The following EPHA3 variants were observed in gnomAD, a reference collection of about 807,000 sequenced individuals.
EPHA3 encodes ephrin type-A receptor 3.
EPHA3 carries 42 observed loss-of-function variants against 107.1 expected under a neutral mutation model. The observed-to-expected ratio is 0.39, with a 90% CI of 0.31 to 0.51. The LOEUF (loss-of-function observed/expected upper bound fraction) is 0.51, where lower values mean the gene tolerates loss of function less well. Among genes scored for constraint, EPHA3 ranks in the 20% least tolerant of loss-of-function variants. EPHA3 has a pLI of 0.78. For synonymous variants in EPHA3, 461 were observed against 424.8 expected (o/e 1.09, Z -1.05); for missense variants, 1,183 against 1,211.2 (o/e 0.98, Z 0.35).
At chr3:89,130,969 T>C (rs1576170726) in intron 2 of EPHA3, among the ~76,000 whole-genome samples, 1 of 152,146 alleles carries the variant, frequency 6.6e-6, no homozygotes, top group African/African-American at 2.4e-5. Flanking sequence ...CTTCATATCT[T>C]AGAGAAAACC....
chr3:89,224,989 T>G (rs1704469559), intron 3 of EPHA3, among the ~76,000 whole-genome samples: 1 of 152,164 alleles, frequency 6.6e-6, no homozygotes, highest in Non-Finnish European at 1.5e-5. Context: ...CTTTCCAGTT[T>G]AAATAAAAAT....
intron 3 of EPHA3, among the ~76,000 whole-genome samples, chr3:89,335,877 T>A (rs1286020147): frequency 6.6e-6 from 1 of 152,224 alleles, no homozygotes; most frequent in Admixed American, 6.5e-5. Flanking sequence ...CATTTACTAC[T>A]GGATTACCTG....
Position 89,453,782 on chromosome 3 carries a change from C to T in EPHA3, c.2690+3412C>T, listed in dbSNP as rs141386739. Among the ~76,000 whole-genome samples, 155 of 152,198 alleles carry T rather than the reference C, an allele frequency of 1.0e-3. 1 individual carries two copies. The highest frequency in any genetic ancestry group is 6.8e-3 in the Middle Eastern group (2 of 294). ...TCTTTAATTTTTAGTGATGTCCTTG[C>T]CAAATGCTTTATTGAGAAAATAAGC... On this transcript the variant is annotated intron_variant, in intron 15 of 16. Coordinates refer to ENST00000336596, the MANE Select transcript of EPHA3 (RefSeq NM_005233.6).
At chr3:89,356,295 G>C (rs1328954646) in intron 5 of EPHA3, among the ~76,000 whole-genome samples, 2 of 150,780 alleles carry the variant, frequency 1.3e-5, no homozygotes, top group African/African-American at 4.8e-5. Context: ...AATAAACATA[G>C]GTGTGCATGT....
intron 2 of EPHA3, among the ~76,000 whole-genome samples, chr3:89,191,966 G>T (rs1291969908): frequency 6.6e-6 from 1 of 152,168 alleles, no homozygotes. Flanking sequence ...TCATAAAATG[G>T]TTAAATAGTA....
chr3:89,111,058 A>G, intron 1 of EPHA3, among the ~76,000 whole-genome samples: 1 of 152,142 alleles, frequency 6.6e-6, no homozygotes, highest in Admixed American at 6.5e-5. Context: ...TTAAATATTC[A>G]TATTTATATA....
intron 2 of EPHA3, among the ~76,000 whole-genome samples, chr3:89,149,269 G>A (rs987957010): frequency 3.3e-5 from 5 of 151,914 alleles, no homozygotes; most frequent in Admixed American, 1.3e-4. Context: ...ATTTACTGAA[G>A]CGGTACCAGA....
In EPHA3 at chr3:89,342,051, A is replaced by G. The variant is rs1195505981; in HGVS notation, c.1267A>G (p.Arg423Gly). 1.9e-6 allele frequency: 3 copies of G among 1,612,006 alleles called. No homozygotes were observed. Among genetic ancestry groups the G allele is most frequent in the South Asian group, 1.1e-5 (1 of 90,804 alleles). The change falls in exon 5 of 17, where the codon AGA (arginine) becomes GGA (glycine). Residue 423 changes from arginine to glycine, a missense_variant. Physicochemically the swap from Arg to Gly is moderately radical, Grantham distance 125. Transcript: ENST00000336596. ...NGVSELSSPP[R>G]QFAAVSITTN... ...GGTGTCAGAGCTGAGCTCCCCACCA[A>G]GACAGTTTGCTGCGGTCAGCATCAC...
chr3:89,234,862 T>TTTCCTTCTC (rs1559612706), intron 3 of EPHA3, among the ~76,000 whole-genome samples: 3 of 136,564 alleles, frequency 2.2e-5, no homozygotes, highest in Non-Finnish European at 3.1e-5. Context: ...TCCTCCCTTC[T>TTTCCTTCTC]TTCCTTCTCT....
At chr3:89,340,576 AG>A (rs1023792325) in intron 3 of EPHA3, among the ~76,000 whole-genome samples, 1 of 152,224 alleles carries the variant, frequency 6.6e-6, no homozygotes, top group Non-Finnish European at 1.5e-5. Context: ...TGTTTTAAAA[AG>A]GGAATTACTA....
intron 3 of EPHA3, among the ~76,000 whole-genome samples, chr3:89,316,505 AATATATATATATATATAT>A (rs58576798): frequency 3.8e-5 from 4 of 104,134 alleles, no homozygotes; most frequent in East Asian, 6.6e-4. Flanking sequence ...GTGTGTGTGT[AATATATATATATATATAT>A]ATATATATAT....
chr3:89,283,771 T>TTGC (rs1306788298), intron 3 of EPHA3, among the ~76,000 whole-genome samples: 1 of 152,148 alleles, frequency 6.6e-6, no homozygotes, highest in Non-Finnish European at 1.5e-5. Context: ...GGTGCTCACT[T>TTGC]TGCTGTTTGT....
intron 7 of EPHA3, among the ~76,000 whole-genome samples, chr3:89,404,126 G>T (rs1709011390): frequency 6.6e-6 from 1 of 152,058 alleles, no homozygotes; most frequent in South Asian, 2.1e-4. Context: ...AGTAAAAATG[G>T]TACAACTTTA....
intron 5 of EPHA3, among the ~76,000 whole-genome samples, chr3:89,389,980 T>G (rs1368364921): frequency 6.6e-5 from 10 of 152,030 alleles, no homozygotes; most frequent in Admixed American, 6.6e-4. Context: ...TCGGCTGAGG[T>G]TCAATTATTA....
chr3:89,449,392 A>C lies in EPHA3; in HGVS notation c.2496+18A>C. The C allele has an allele frequency of 6.4e-7, 1 of 1,553,316 alleles. No individual in the cohort carries two copies. Among genetic ancestry groups the C allele is most frequent in the Non-Finnish European group, 8.8e-7 (1 of 1,138,940 alleles). ...ATCAGGATGTAAGTATTTGTGGTCT[A>C]TGAGTTATGAGTTCAGATGAAAAGA... On this transcript the variant is annotated intron_variant, in intron 14 of 16. Transcript: ENST00000336596.
chr3:89,256,496 A>G (rs536132571), intron 3 of EPHA3, among the ~76,000 whole-genome samples: 1 of 152,104 alleles, frequency 6.6e-6, no homozygotes. Flanking sequence ...GCTTGGACTC[A>G]GAGGTTGCAT....
chr3:89,407,949 T>TG, intron 8 of EPHA3, 118 bp from the exon 9 acceptor site: 1 of 1,004,010 alleles, frequency 1.0e-6, no homozygotes, highest in Non-Finnish European at 1.5e-6. Flanking sequence ...AAACTTTCAC[T>TG]AAAGCATTTA....
intron 2 of EPHA3, among the ~76,000 whole-genome samples, chr3:89,173,146 T>C (rs1260476988): frequency 6.6e-6 from 1 of 152,282 alleles, no homozygotes; most frequent in African/African-American, 2.4e-5. Context: ...ATATTTTACA[T>C]TTCATAATCA....
At chr3:89,167,234 A>G (rs769955451) in intron 2 of EPHA3, among the ~76,000 whole-genome samples, 1 of 152,188 alleles carries the variant, frequency 6.6e-6, no homozygotes, top group Non-Finnish European at 1.5e-5. Flanking sequence ...TACATCACAG[A>G]GTTTTTATTT....
Sources: gnomAD v4.1 joint callset for allele counts (sites outside exome capture counted in the v4.1 genomes callset) on GRCh38, gnomAD v4.1.1 for gene constraint, MANE v1.5 for transcripts, NCBI Gene and HGNC (gene_info 2026-07-23, HGNC 2026-07-21) for gene names.